Variants in PCDHGB6 observed in about 807,000 individuals in gnomAD.
The protein encoded by PCDHGB6 is protocadherin gamma subfamily B, 6.
In PCDHGB6, 51 loss-of-function variants were observed where a neutral mutation model predicts 59.1. The observed-to-expected ratio is 0.86, with a 90% CI of 0.69 to 1.09. The LOEUF (loss-of-function observed/expected upper bound fraction) is 1.09, where lower values mean the gene tolerates loss of function less well. Among genes scored for constraint, PCDHGB6 ranks in the 50% least tolerant of loss-of-function variants. The pLI is 0.00. For missense variants in PCDHGB6, 1,148 were observed against 1,205.1 expected (o/e 0.95, Z 0.70); for synonymous variants, 466 against 495.1 (o/e 0.94, Z 0.78).
intron 1 of PCDHGB6, chr5:141,413,664 T>A: frequency 6.2e-7 from 1 of 1,613,858 alleles, no homozygotes; most frequent in Non-Finnish European, 8.5e-7. Flanking sequence ...AAGCTATTGA[T>A]CCGGATGTGG....
chr5:141,421,860 C>T (rs759779291), intron 1 of PCDHGB6: 1 of 1,613,750 alleles, frequency 6.2e-7, no homozygotes. Flanking sequence ...CTCACCTGCT[C>T]CTCCTCACAG....
intron 1 of PCDHGB6, among the ~76,000 whole-genome samples, chr5:141,451,854 C>T (rs1243479409): frequency 6.6e-6 from 1 of 152,058 alleles, no homozygotes; most frequent in Non-Finnish European, 1.5e-5. Flanking sequence ...CCACTCCAGC[C>T]TAGGCCACAG....
intron 1 of PCDHGB6, chr5:141,418,535 G>A: frequency 6.2e-7 from 1 of 1,614,002 alleles, no homozygotes. Context: ...AAGCGGTACT[G>A]CTCAGATAAG....
At position 141,485,291 on chromosome 5, in the gene PCDHGB6, C is replaced by A. The variant is rs114678203; in HGVS notation, c.2419-9516C>A. 436 of 1,614,150 alleles carry A rather than the reference C, an allele frequency of 2.7e-4. No homozygotes were observed. Among genetic ancestry groups the A allele is most frequent in the Middle Eastern group, 8.2e-4 (5 of 6,062 alleles). Reference sequence around the variant, plus strand: ...CCGCTACCCGGTCCCAGAGGAGTCACAGGAAGGGACTTTTGTAGGGAATGT... The same window carrying A: ...CCGCTACCCGGTCCCAGAGGAGTCAAAGGAAGGGACTTTTGTAGGGAATGT... On this transcript the variant is annotated intron_variant, in intron 1 of 3. Coordinates refer to ENST00000520790, the MANE Select transcript of PCDHGB6 (RefSeq NM_018926.3). The surrounding 1 kb of genome is among the most constrained non-coding windows in gnomAD (Gnocchi z 5.7).
Position 141,420,043 on chromosome 5 carries a change from G to T in PCDHGB6, c.2418+9423G>T, listed in dbSNP as rs747553514. On this transcript the variant is annotated intron_variant, in intron 1 of 3. Coordinates refer to ENST00000520790, the MANE Select transcript of PCDHGB6 (RefSeq NM_018926.3). ...GCCCTACTGCAGGAGACTGCTTTGAGTCAGTTCTCTGCTCCAAGTCCGGAC... is the reference window on the plus strand; with the variant it reads ...GCCCTACTGCAGGAGACTGCTTTGATTCAGTTCTCTGCTCCAAGTCCGGAC... The T allele has an allele frequency of 1.9e-6, 3 of 1,614,078 alleles. No individual in the cohort carries two copies. In the Admixed American group the frequency reaches 5.0e-5, roughly 27 times the overall value.
intron 1 of PCDHGB6, chr5:141,423,091 G>GCGTAC (rs2096708211): frequency 2.5e-6 from 4 of 1,613,908 alleles, no homozygotes; most frequent in African/African-American, 2.7e-5. Context: ...CGCGGTGGGG[G>GCGTAC]AGCACACGGG....
At chr5:141,474,997 A>C (rs2154572220) in intron 1 of PCDHGB6, among the ~76,000 whole-genome samples, 1 of 152,376 alleles carries the variant, frequency 6.6e-6, no homozygotes, top group African/African-American at 2.4e-5. Flanking sequence ...ACAATTCTAA[A>C]TGCAGAAAAG....
chr5:141,434,852 A>G (rs1382212982), intron 1 of PCDHGB6, among the ~76,000 whole-genome samples: 2 of 151,990 alleles, frequency 1.3e-5, no homozygotes, highest in Non-Finnish European at 2.9e-5. Context: ...AGACATCAAT[A>G]AATTTATATA....
At chr5:141,478,694 T>A (rs2099472305) in intron 1 of PCDHGB6, 1 of 1,550,598 alleles carries the variant, frequency 6.4e-7, no homozygotes, top group Admixed American at 2.0e-5. Flanking sequence ...TAGATCAAAG[T>A]TAGTGCCTTT....
intron 1 of PCDHGB6, chr5:141,478,076 C>A: frequency 6.2e-7 from 1 of 1,614,106 alleles, no homozygotes. Context: ...CAATGGGGAG[C>A]CTTCGCTCTC....
chr5:141,428,037 C>G lies in PCDHGB6; in HGVS notation c.2418+17417C>G, dbSNP rs762273592. 3.7e-6 allele frequency: 6 copies of G among 1,608,340 alleles called. No homozygotes were observed. In the African/African-American group the frequency reaches 8.0e-5, roughly 21 times the overall value. ...GCCACGCGCCGCAGAGTCCGGCTACCTGGTGACCAAGGTGGTGGCGGTGGA... is the reference window on the plus strand; with the variant it reads ...GCCACGCGCCGCAGAGTCCGGCTACGTGGTGACCAAGGTGGTGGCGGTGGA... On this transcript the variant is annotated intron_variant, in intron 1 of 3. Coordinates refer to ENST00000520790, the MANE Select transcript of PCDHGB6 (RefSeq NM_018926.3).
chr5:141,420,286 A>C, intron 1 of PCDHGB6: 1 of 1,505,774 alleles, frequency 6.6e-7, no homozygotes, highest in Non-Finnish European at 8.9e-7. Flanking sequence ...TAAGTATTTA[A>C]AAATGTATTT....
At chr5:141,427,826 G>A (rs550161736) in intron 1 of PCDHGB6, 2 of 1,536,500 alleles carry the variant, frequency 1.3e-6, no homozygotes, top group Admixed American at 3.3e-5. Flanking sequence ...TGGTGGTCGC[G>A]CAGCGTGCCT....
Position 141,409,219 on chromosome 5 carries a change from T to A in PCDHGB6, c.1017T>A (p.Asp339Glu). The A allele has an allele frequency of 6.2e-7, 1 of 1,614,022 alleles. No homozygotes were observed. Among genetic ancestry groups the A allele is most frequent in the Non-Finnish European group, 8.5e-7 (1 of 1,179,898 alleles). Residue 339 changes from aspartate (D) to glutamate (E), a missense_variant, in exon 1 of 4, where the codon GAT (aspartate) becomes GAA (glutamate). Asp to Glu is a conservative substitution (Grantham distance 45, BLOSUM62 2). Transcript: ENST00000520790. ...TQCKVIIEILDENDNSPEIII... is the reference protein window; with the variant it reads ...TQCKVIIEILEENDNSPEIII... ...GTAAAGTAATCATAGAAATCCTTGA[T>A]GAAAACGACAACAGCCCAGAAATAA...
intron 1 of PCDHGB6, chr5:141,433,253 G>T: frequency 7.1e-7 from 1 of 1,416,466 alleles, no homozygotes; most frequent in South Asian, 1.3e-5. Flanking sequence ...GAATGCAGCG[G>T]TACGATCATA....
At chr5:141,463,518 G>C (rs537466389) in intron 1 of PCDHGB6, among the ~76,000 whole-genome samples, 1 of 139,068 alleles carries the variant, frequency 7.2e-6, no homozygotes, top group African/African-American at 2.8e-5. Context: ...GCGTGATCTC[G>C]GCTTACTAGA....
In PCDHGB6 at chr5:141,432,647, C is replaced by T; in HGVS notation, c.2418+22027C>T. On this transcript the variant is annotated intron_variant, in intron 1 of 3. Coordinates refer to ENST00000520790, the MANE Select transcript of PCDHGB6 (RefSeq NM_018926.3). This position sits in a 1 kb window ranked among gnomAD's most constrained non-coding sequence, Gnocchi z 6.0. ...GCACACGGGCGAGGTGCGCACGGCG[C>T]GAGCCCTGCTGGACAGAGACGCGCT... 3 of 1,613,796 alleles carry T rather than the reference C, an allele frequency of 1.9e-6. No homozygotes were observed. Among genetic ancestry groups the T allele is most frequent in the Admixed American group, 1.7e-5 (1 of 60,008 alleles).
Position 141,424,000 on chromosome 5 carries a change from A to G in PCDHGB6, c.2418+13380A>G, listed in dbSNP as rs2096794510. On this transcript the variant is annotated intron_variant, in intron 1 of 3. Coordinates refer to ENST00000520790, the MANE Select transcript of PCDHGB6 (RefSeq NM_018926.3). ...ATGAGGCTCTCAATTTATTATATAT[A>G]GATACAAATTAATGATTCACAAACA... 5 of 1,076,368 alleles carry G rather than the reference A, an allele frequency of 4.6e-6. No homozygotes were observed. In the South Asian group the frequency reaches 1.4e-4, roughly 30 times the overall value. 66.7% of individuals were successfully genotyped at this position (1,076,368 alleles called of 1,614,324 possible).
chr5:141,417,659 A>G, intron 1 of PCDHGB6: 1 of 869,514 alleles, frequency 1.2e-6, no homozygotes, highest in Non-Finnish European at 1.7e-6. Context: ...CTAGCCTGGG[A>G]TTCCCTGCGC....
Sources: gnomAD v4.1 joint callset for allele counts (sites outside exome capture counted in the v4.1 genomes callset) on GRCh38, gnomAD v4.1.1 for gene constraint, Gnocchi (gnomAD v3.1) non-coding constraint, MANE v1.5 for transcripts, NCBI Gene and HGNC (gene_info 2026-07-23, HGNC 2026-07-21) for gene names.